The following TGFB1 variants were observed in gnomAD, a reference collection of about 807,000 sequenced individuals.
The protein encoded by TGFB1 is transforming growth factor beta-1 proprotein.
In TGFB1, 19 loss-of-function variants were observed where a neutral mutation model predicts 43.8. The ratio of observed to expected loss-of-function variants is 0.43; its 90% confidence interval spans 0.30 to 0.64. TGFB1 has a LOEUF of 0.64. Among genes scored for constraint, TGFB1 ranks in the 30% least tolerant of loss-of-function variants. TGFB1 has a pLI of 0.11. For missense variants in TGFB1, 445 were observed against 529.8 expected (o/e 0.84, Z 1.57); for synonymous variants, 221 against 236.3 (o/e 0.94, Z 0.60).
At chr19:41,336,290 G>A (rs757077631) in intron 5 of TGFB1, among the ~76,000 whole-genome samples, 6 of 151,676 alleles carry the variant, frequency 4.0e-5, no homozygotes, top group African/African-American at 1.2e-4. Flanking sequence ...GAGCCACCGC[G>A]TCCAGCTGGA....
chr19:41,347,418 A>G (rs1008196034), intron 2 of TGFB1, among the ~76,000 whole-genome samples: 4 of 152,200 alleles, frequency 2.6e-5, no homozygotes, highest in African/African-American at 9.7e-5. Flanking sequence ...TAGAGCCCCC[A>G]ACCTTTTCAG....
chr19:41,344,876 T>C lies in TGFB1; in HGVS notation c.517-12A>G. 2 of 1,571,448 alleles carry C rather than the reference T, an allele frequency of 1.3e-6. No individual in the cohort carries two copies. Among genetic ancestry groups the C allele is most frequent in the African/African-American group, 1.3e-5 (1 of 74,200 alleles). ...TTGTTGCTGTATTTCTAGAGGATGATGAAGGCAGGAGAGAGACAGTGGGTA... is the reference window on the plus strand; with the variant it reads ...TTGTTGCTGTATTTCTAGAGGATGACGAAGGCAGGAGAGAGACAGTGGGTA... On this transcript the variant is annotated splice_polypyrimidine_tract_variant and intron_variant, in intron 2 of 6. Coordinates refer to ENST00000221930, the MANE Select transcript of TGFB1 (RefSeq NM_000660.7).
At chr19:41,341,493 G>GAAAAAAAAAAAAAAAAAAA (rs2038055242) in intron 5 of TGFB1, among the ~76,000 whole-genome samples, 1 of 79,386 alleles carries the variant, frequency 1.3e-5, no homozygotes. Flanking sequence ...AAAAAAAAAG[G>GAAAAAAAAAAAAAAAAAAA]AACCTGATCC....
chr19:41,353,193 T>A lies in TGFB1; in HGVS notation c.-149A>T. ...GAGGTCCTCAGGGAGAAGGGCGCAG[T>A]GGTGGAGGGGAGGCTTGGACCGGGG... On this transcript the variant is annotated 5_prime_UTR_variant, in exon 1 of 7. Transcript: ENST00000221930. The surrounding 1 kb of genome is among the most constrained non-coding windows in gnomAD (Gnocchi z 5.9). 1 of 1,006,664 alleles carries A rather than the reference T, an allele frequency of 9.9e-7. No individual in the cohort carries two copies. Among genetic ancestry groups the A allele is most frequent in the Non-Finnish European group, 1.4e-6 (1 of 723,488 alleles). The allele number at this position is 1,006,664 out of a possible 1,614,324, so 62.4% of individuals were successfully genotyped here. A position where few individuals can be genotyped will look rare whatever the true frequency, so the allele number is the denominator to read the frequency against.
At position 41,341,876 on chromosome 19, in the gene TGFB1, G is replaced by A; in HGVS notation, c.860+7C>T. ...TGGAAGGCCTCCATCCAGGCTACAA[G>A]GCTCACCTGAAGCAATAGTTGGTGT... On this transcript the variant is annotated splice_region_variant and intron_variant, in intron 5 of 6. Coordinates refer to ENST00000221930, the MANE Select transcript of TGFB1 (RefSeq NM_000660.7). 1 of 1,613,110 alleles carries A rather than the reference G, an allele frequency of 6.2e-7. No homozygotes were observed. The highest frequency in any genetic ancestry group is 2.2e-5 in the East Asian group (1 of 44,888).
chr19:41,339,367 C>T (rs2038026714), intron 5 of TGFB1, among the ~76,000 whole-genome samples: 1 of 152,054 alleles, frequency 6.6e-6, no homozygotes, highest in Non-Finnish European at 1.5e-5. Flanking sequence ...GATCTGCCTG[C>T]CTTGGCCTCC....
chr19:41,349,533 G>T (rs1035060235), intron 1 of TGFB1, among the ~76,000 whole-genome samples: 1 of 152,220 alleles, frequency 6.6e-6, no homozygotes, highest in African/African-American at 2.4e-5. Context: ...GAGGTGGATT[G>T]ATTACTTGAG....
intron 5 of TGFB1, among the ~76,000 whole-genome samples, chr19:41,338,893 T>C (rs1351967753): frequency 6.6e-6 from 1 of 151,890 alleles, no homozygotes; most frequent in Non-Finnish European, 1.5e-5. Flanking sequence ...AGAATTCCAG[T>C]CCACAGTAGG....
chr19:41,335,833 T>A (rs2037982523), intron 5 of TGFB1, among the ~76,000 whole-genome samples: 1 of 152,052 alleles, frequency 6.6e-6, no homozygotes, highest in Non-Finnish European at 1.5e-5. Context: ...CTACAAAACT[T>A]TTTATAAATA....
chr19:41,344,663 G>A (rs1282092047), intron 3 of TGFB1, 84 bp downstream of exon 3: 2 of 1,263,862 alleles, frequency 1.6e-6, no homozygotes, highest in Admixed American at 1.7e-5. Flanking sequence ...GGGCGGAGAG[G>A]GGTCCTAGGC....
intron 2 of TGFB1, among the ~76,000 whole-genome samples, chr19:41,345,620 G>A (rs1015305308): frequency 3.3e-5 from 5 of 151,688 alleles, no homozygotes; most frequent in East Asian, 1.9e-4. Flanking sequence ...TAATGATTCC[G>A]GCTGGGCACG....
intron 5 of TGFB1, among the ~76,000 whole-genome samples, chr19:41,334,424 C>CTTTTT (rs750640294): frequency 3.4e-5 from 4 of 116,970 alleles, no homozygotes; most frequent in Non-Finnish European, 5.1e-5. Flanking sequence ...TTGACAATGC[C>CTTTTT]TTTTTTTTTT....
chr19:41,332,429 A>G lies in TGFB1; in HGVS notation c.861-148T>C. On this transcript the variant is annotated intron_variant, in intron 5 of 6. Coordinates refer to ENST00000221930, the MANE Select transcript of TGFB1 (RefSeq NM_000660.7). ...CTCCCTTGCACCCACTGTGTTAATA[A>G]CAACACAAATAGTCATGATAATCAC... The G allele has an allele frequency of 8.7e-6, 7 of 804,752 alleles. No individual in the cohort carries two copies. The South Asian group carries it at 1.2e-4, about 14-fold the overall frequency. 49.9% of individuals were successfully genotyped at this position (804,752 alleles called of 1,614,324 possible). A position where few individuals can be genotyped will look rare whatever the true frequency, so the allele number is the denominator to read the frequency against.
At chr19:41,351,783 T>A (rs2038199389) in intron 1 of TGFB1, among the ~76,000 whole-genome samples, 1 of 104,772 alleles carries the variant, frequency 9.5e-6, no homozygotes, top group Non-Finnish European at 2.0e-5. Flanking sequence ...CTCAGCCCAT[T>A]CCCCTGCATC....
At chr19:41,339,526 T>C (rs534102279) in intron 5 of TGFB1, among the ~76,000 whole-genome samples, 5 of 150,594 alleles carry the variant, frequency 3.3e-5, no homozygotes, top group African/African-American at 1.2e-4. Context: ...CTGTTGGCAC[T>C]CAAGACCTCA....
intron 3 of TGFB1, among the ~76,000 whole-genome samples, chr19:41,343,922 TA>T (rs372136805): frequency 0.064 from 3,423 of 53,890 alleles, 133 homozygotes; most frequent in African/African-American, 0.19. Flanking sequence ...TCAAATGAGT[TA>T]GTTAGGCTCT....
At chr19:41,338,265 G>A (rs1478531363) in intron 5 of TGFB1, among the ~76,000 whole-genome samples, 4 of 144,816 alleles carry the variant, frequency 2.8e-5, no homozygotes, top group Non-Finnish European at 4.5e-5. Flanking sequence ...AGGCTGAGGC[G>A]GGTAGATCAC....
Position 41,349,867 on chromosome 19 carries a change from A to G in TGFB1, c.356-1412T>C, listed in dbSNP as rs952320257. Among the ~76,000 whole-genome samples, 4 of 152,112 alleles carry G rather than the reference A, an allele frequency of 2.6e-5. No individual in the cohort carries two copies. The South Asian group carries it at 8.3e-4, about 31-fold the overall frequency. On this transcript the variant is annotated intron_variant, in intron 1 of 6. Coordinates refer to ENST00000221930, the MANE Select transcript of TGFB1 (RefSeq NM_000660.7). ...CCTCACAACCTTATACTATTATTAT[A>G]CCCGTTTAATAGATGAGAAACTGAG...
At chr19:41,343,980 C>CTTTTTTTTTTTTTTTTTTTTTTTTTTTTT (rs3061192) in intron 3 of TGFB1, among the ~76,000 whole-genome samples, 1 of 98,638 alleles carries the variant, frequency 1.0e-5, no homozygotes, top group Non-Finnish European at 1.9e-5. Flanking sequence ...TGCCTGGAAT[C>CTTTTTTTTTTTTTTTTTTTTTTTTTTTTT]TTTTTTTTTT....
Sources: allele counts gnomAD v4.1 joint callset (sites outside exome capture counted in the v4.1 genomes callset), GRCh38; gene constraint gnomAD v4.1.1; non-coding constraint Gnocchi (gnomAD v3.1); transcripts MANE v1.5; gene names NCBI Gene and HGNC (gene_info 2026-07-23, HGNC 2026-07-21).